TMEM101: variants seen among roughly 807,000 people sequenced by gnomAD.
TMEM101 encodes the protein putative NF-kappa-B-activating protein 130.
A neutral mutation model predicts 26.0 loss-of-function variants in TMEM101; 14 were observed. That is an observed-to-expected ratio of 0.54 (90% CI 0.36 to 0.84). TMEM101 has a LOEUF of 0.84. TMEM101 is among the 40% of genes least tolerant of loss of function. The pLI, the probability that TMEM101 is intolerant of heterozygous loss-of-function variation, is 0.01. For synonymous variants in TMEM101, 152 were observed against 145.1 expected (o/e 1.05, Z -0.34); for missense variants, 292 against 345.1 (o/e 0.85, Z 1.22).
At chr17:44,017,607 A>AC (rs1280235125), upstream of TMEM101, among the ~76,000 whole-genome samples, 18 of 149,332 alleles carry the variant, frequency 1.2e-4, no homozygotes, top group African/African-American at 3.9e-4. Flanking sequence ...AAAAAAAAAA[A>AC]AAAAAAAAAG....
At chr17:44,015,591 C>G (rs2049222735), upstream of TMEM101, among the ~76,000 whole-genome samples, 1 of 152,116 alleles carries the variant, frequency 6.6e-6, no homozygotes, top group African/African-American at 2.4e-5. Flanking sequence ...GACGGAGTTT[C>G]ACCGTCTTAG....
At chr17:44,012,929 A>G (rs568840766) in intron 3 of TMEM101, 80 bp downstream of exon 3, 37 of 1,418,986 alleles carry the variant, frequency 2.6e-5, no homozygotes, top group South Asian at 1.6e-5. Context: ...TTCTGTGTCT[A>G]CCTTCCTGGG....
At chr17:44,015,062 A>G (rs1188428762), upstream of TMEM101, 6 of 1,439,186 alleles carry the variant, frequency 4.2e-6, no homozygotes, top group Middle Eastern at 3.7e-4. Context: ...CCCGGAAACA[A>G]CGGTGTCATT....
chr17:44,012,457 G>A (rs2049173729), intron 3 of TMEM101: 1 of 564,368 alleles, frequency 1.8e-6, no homozygotes, highest in Non-Finnish European at 3.1e-6. Flanking sequence ...GGGCTATGAA[G>A]GAAGTGTATT....
chr17:44,020,664 C>A (rs1382099408), intron 2 of TMEM101, among the ~76,000 whole-genome samples: 1 of 152,176 alleles, frequency 6.6e-6, no homozygotes, highest in Non-Finnish European at 1.5e-5. Context: ...AGAGGTTGCA[C>A]TGAGCCAAGA....
upstream of TMEM101, chr17:44,015,073 C>T (rs189226955): frequency 2.2e-6 from 3 of 1,391,942 alleles, no homozygotes; most frequent in African/African-American, 4.3e-5. Flanking sequence ...CGGTGTCATT[C>T]TCTAGTTCCG....
chr17:44,011,565 G>T lies in TMEM101; in HGVS notation c.*363C>A. 1 of 268,056 alleles carries T rather than the reference G, an allele frequency of 3.7e-6. No homozygotes were observed. Among genetic ancestry groups the T allele is most frequent in the Non-Finnish European group, 7.2e-6 (1 of 139,300 alleles). The allele number at this position is 268,056 out of a possible 1,614,324, so 16.6% of individuals were successfully genotyped here. A position where few individuals can be genotyped will look rare whatever the true frequency, so the allele number is the denominator to read the frequency against. On this transcript the variant is annotated 3_prime_UTR_variant, in exon 4 of 4. Transcript: ENST00000206380. ...GTTCAAAGAGGAATTTTTCACATTT[G>T]CTCACTTCCAATCTCCATCTTCCTT...
chr17:44,014,988 G>C (rs761236895), upstream of TMEM101: 7 of 1,566,170 alleles, frequency 4.5e-6, no homozygotes, highest in African/African-American at 9.5e-5. Flanking sequence ...CCTCACCCCA[G>C]TCAGAGAAGC....
chr17:44,020,752 C>T (rs1242108954), intron 2 of TMEM101, among the ~76,000 whole-genome samples: 1 of 152,164 alleles, frequency 6.6e-6, no homozygotes, highest in Non-Finnish European at 1.5e-5. Flanking sequence ...AGTGTTATCC[C>T]ACTCCCATTG....
chr17:44,013,225 A>AC, intron 2 of TMEM101, 70 bp from the exon 3 acceptor site: 1 of 1,401,732 alleles, frequency 7.1e-7, no homozygotes, highest in South Asian at 1.6e-5. Context: ...CCCAGAGTGT[A>AC]GAACCACCCC....
upstream of TMEM101, among the ~76,000 whole-genome samples, chr17:44,015,550 C>T (rs946525240): frequency 6.6e-6 from 1 of 152,110 alleles, no homozygotes; most frequent in South Asian, 2.1e-4. Flanking sequence ...CTCGCCACCA[C>T]GCCCGGCTAA....
In TMEM101 at chr17:44,023,038, C is replaced by G. The variant is rs372102256; in HGVS notation, c.-324+1G>C. The G allele has an allele frequency of 3.0e-6, 1 of 338,248 alleles. No individual in the cohort carries two copies. Among genetic ancestry groups the G allele is most frequent in the Non-Finnish European group, 5.7e-6 (1 of 174,998 alleles). The allele number at this position is 338,248 out of a possible 1,614,324, so 21.0% of individuals were successfully genotyped here. ...AAAGAGATATATATATTTACACTCACCAGACTATGGAGGATTCACCACCAG... is the reference window on the plus strand; with the variant it reads ...AAAGAGATATATATATTTACACTCAGCAGACTATGGAGGATTCACCACCAG... On this transcript the variant is annotated splice_donor_variant, in intron 1 of 4. Transcript: ENST00000585950. LOFTEE classifies it low-confidence loss of function (5UTR_SPLICE).
At chr17:44,013,414 C>T (rs2049187403) in intron 2 of TMEM101, among the ~76,000 whole-genome samples, 1 of 152,128 alleles carries the variant, frequency 6.6e-6, no homozygotes, top group Non-Finnish European at 1.5e-5. Flanking sequence ...AATCCCAGCA[C>T]TTTGGGAGGC....
chr17:44,015,237 A>C, upstream of TMEM101: 2 of 292,464 alleles, frequency 6.8e-6, no homozygotes, highest in East Asian at 7.1e-5. Context: ...TGATGTATTG[A>C]AGCAAACTGG....
upstream of TMEM101, among the ~76,000 whole-genome samples, chr17:44,016,118 TAC>T (rs1004193033): frequency 1.3e-5 from 2 of 150,782 alleles, no homozygotes; most frequent in African/African-American, 2.4e-5. Context: ...TAGATATAGA[TAC>T]ACACGCACAC....
chr17:44,019,326 G>A (rs1315036140), upstream of TMEM101: 17 of 432,496 alleles, frequency 3.9e-5, no homozygotes, highest in African/African-American at 1.4e-4. Context: ...AGACTATGGC[G>A]GATTCACCAC....
chr17:44,019,307 G>T, upstream of TMEM101: 1 of 421,064 alleles, frequency 2.4e-6, no homozygotes, highest in South Asian at 1.7e-5. Context: ...GTCGGACACT[G>T]CACTCACCAG....
chr17:44,015,057 AAAC>A, upstream of TMEM101: 1 of 1,457,460 alleles, frequency 6.9e-7, no homozygotes, highest in Non-Finnish European at 9.2e-7. Context: ...TTCCTCCCGG[AAAC>A]AACGGTGTCA....
chr17:44,017,590 T>C (rs1295094844), upstream of TMEM101, among the ~76,000 whole-genome samples: 35 of 117,512 alleles, frequency 3.0e-4, no homozygotes, highest in Admixed American at 3.0e-3. Flanking sequence ...TGAGACAACA[T>C]CTCAAAAAAA....
Sources: allele counts gnomAD v4.1 joint callset (sites outside exome capture counted in the v4.1 genomes callset), GRCh38; gene constraint gnomAD v4.1.1; transcripts MANE v1.5; gene names NCBI Gene and HGNC (gene_info 2026-07-23, HGNC 2026-07-21).